The following PCDHA2 variants were observed in gnomAD, a reference collection of about 807,000 sequenced individuals.
PCDHA2 encodes the protein protocadherin alpha-2.
In PCDHA2, 58 loss-of-function variants were observed where a neutral mutation model predicts 66.0. The observed-to-expected ratio is 0.88, with a 90% confidence interval of 0.71 to 1.09. PCDHA2 has a LOEUF of 1.09. Ranked by LOEUF, PCDHA2 falls within the 50% of genes least tolerant of loss-of-function variation. The probability of loss-of-function intolerance (pLI) is 0.00; values close to 1 mark genes in which losing one functional copy is unlikely to be tolerated. For synonymous variants in PCDHA2, 634 were observed against 554.0 expected (o/e 1.14, Z -2.03); for missense variants, 1,267 against 1,242.3 (o/e 1.02, Z -0.30).
chr5:140,914,207 A>G (rs1485868934), intron 1 of PCDHA2, among the ~76,000 whole-genome samples: 4 of 152,060 alleles, frequency 2.6e-5, no homozygotes, highest in African/African-American at 9.7e-5. Context: ...TGTGATCTCT[A>G]TCTCTCTTTT....
At chr5:140,916,377 C>T (rs1436518298) in intron 1 of PCDHA2, among the ~76,000 whole-genome samples, 4 of 152,092 alleles carry the variant, frequency 2.6e-5, no homozygotes, top group African/African-American at 9.7e-5. Flanking sequence ...CTGTAGCCAC[C>T]ACAACTAGGA....
intron 1 of PCDHA2, chr5:140,851,739 C>T: frequency 1.0e-6 from 1 of 971,880 alleles, no homozygotes; most frequent in Non-Finnish European, 1.2e-6. Context: ...TTTTGAAATT[C>T]AGAGTCTGTA....
chr5:140,835,258 A>G (rs2150232835), intron 1 of PCDHA2: 2 of 1,607,720 alleles, frequency 1.2e-6, no homozygotes, highest in African/African-American at 1.4e-5. Flanking sequence ...ATAAAATCCA[A>G]GTTCCACATG....
chr5:140,858,202 A>T (rs782325182), intron 1 of PCDHA2: 5 of 1,597,020 alleles, frequency 3.1e-6, no homozygotes. Context: ...TGTACACTGC[A>T]CTGAGGTGCT....
chr5:140,830,660 T>A, intron 1 of PCDHA2: 1 of 411,746 alleles, frequency 2.4e-6, no homozygotes, highest in Non-Finnish European at 3.9e-6. Flanking sequence ...ATTCATAATT[T>A]AAGTGAAATT....
chr5:140,829,339 G>A (rs1770234553), intron 1 of PCDHA2: 1 of 1,614,278 alleles, frequency 6.2e-7, no homozygotes, highest in Non-Finnish European at 8.5e-7. Flanking sequence ...TGGACCGCGA[G>A]AGCGTGTCGG....
At chr5:140,916,296 G>C (rs2077516868) in intron 1 of PCDHA2, among the ~76,000 whole-genome samples, 1 of 152,094 alleles carries the variant, frequency 6.6e-6, no homozygotes, top group Admixed American at 6.5e-5. Flanking sequence ...TGGCCAAACT[G>C]GTACCAAAGG....
rs2150248542 is a variant in PCDHA2 at position 140,835,937 on chromosome 5, C to T, written c.2388+38585C>T. ...TGCACGCGGAGAGCGGCAAGGTGTA[C>T]GCGCTGCAGCCGTTGGACCACGAGG... On this transcript the variant is annotated intron_variant, in intron 1 of 3. Transcript: ENST00000526136. 14 of 1,612,512 alleles carry T rather than the reference C, an allele frequency of 8.7e-6. No homozygotes were observed. The South Asian group carries it at 1.3e-4, about 15-fold the overall frequency.
chr5:140,966,341 G>T, intron 1 of PCDHA2: 1 of 396,732 alleles, frequency 2.5e-6, no homozygotes, highest in Non-Finnish European at 4.4e-6. Context: ...CAGGTCCAGG[G>T]TGAAGGAGAT....
intron 1 of PCDHA2, among the ~76,000 whole-genome samples, chr5:140,872,031 C>A (rs1383565952): frequency 6.6e-6 from 1 of 152,220 alleles, no homozygotes; most frequent in Non-Finnish European, 1.5e-5. Context: ...AACTGCTAAG[C>A]TCAAAGAATT....
chr5:140,864,460 T>C (rs2048484111), intron 1 of PCDHA2: 1 of 152,246 alleles, frequency 6.6e-6, no homozygotes, highest in African/African-American at 2.4e-5. Flanking sequence ...AATATCCATC[T>C]TTTTTGAGAT....
chr5:140,848,919 A>C, intron 1 of PCDHA2: 1 of 1,608,020 alleles, frequency 6.2e-7, no homozygotes, highest in Non-Finnish European at 8.5e-7. Flanking sequence ...GAATCTGTTC[A>C]TCGCGGAATC....
At chr5:140,875,221 A>G (rs2055359390) in intron 1 of PCDHA2, 3 of 759,332 alleles carry the variant, frequency 4.0e-6, no homozygotes, top group South Asian at 3.3e-5. Flanking sequence ...AAAGAACCTC[A>G]GGATCTTTCT....
chr5:140,884,312 G>T, intron 1 of PCDHA2: 1 of 1,613,768 alleles, frequency 6.2e-7, no homozygotes, highest in Non-Finnish European at 8.5e-7. Flanking sequence ...TTCGTCGAGG[G>T]CGTCGGCAGG....
intron 1 of PCDHA2, among the ~76,000 whole-genome samples, chr5:140,910,654 C>T (rs961570287): frequency 1.3e-5 from 2 of 152,218 alleles, no homozygotes; most frequent in African/African-American, 2.4e-5. Flanking sequence ...TTGATCCCTT[C>T]CTCTACATTA....
At chr5:140,837,849 A>C (rs957584750) in intron 1 of PCDHA2, among the ~76,000 whole-genome samples, 1 of 150,852 alleles carries the variant, frequency 6.6e-6, no homozygotes, top group Non-Finnish European at 1.5e-5. Flanking sequence ...GGCTAATTTT[A>C]TTTTATTTTT....
At chr5:140,865,232 A>T (rs577307618) in intron 1 of PCDHA2, 1 of 152,202 alleles carries the variant, frequency 6.6e-6, no homozygotes, top group Non-Finnish European at 1.5e-5. Context: ...ATCCCAGAGA[A>T]CACGTATTTA....
intron 1 of PCDHA2, chr5:140,966,538 C>G: frequency 2.2e-6 from 1 of 463,262 alleles, no homozygotes; most frequent in Non-Finnish European, 3.7e-6. Flanking sequence ...GGTTGAGCGA[C>G]TCGGAGGCGA....
intron 1 of PCDHA2, among the ~76,000 whole-genome samples, chr5:140,897,367 T>C (rs1554187348): frequency 8.0e-6 from 1 of 125,642 alleles, no homozygotes; most frequent in East Asian, 2.4e-4. Flanking sequence ...CAGAGTGTGA[T>C]GTTCCCTTCC....
Sources: allele counts gnomAD v4.1 joint callset (sites outside exome capture counted in the v4.1 genomes callset), GRCh38; gene constraint gnomAD v4.1.1; transcripts MANE v1.5; gene names NCBI Gene and HGNC (gene_info 2026-07-23, HGNC 2026-07-21).